Variants in ROBO1 observed in about 807,000 individuals in gnomAD.
The protein encoded by ROBO1 is roundabout homolog 1.
A neutral mutation model predicts 195.9 loss-of-function variants in ROBO1; 149 were observed. The observed-to-expected ratio is 0.76, with a 90% CI of 0.67 to 0.87. The LOEUF is 0.87. Among genes scored for constraint, ROBO1 ranks in the 40% least tolerant of loss-of-function variants. The pLI, the probability that ROBO1 is intolerant of heterozygous loss-of-function variation, is 0.00. For missense variants in ROBO1, 1,933 were observed against 2,068.3 expected (o/e 0.93, Z 1.27); for synonymous variants, 816 against 733.2 (o/e 1.11, Z -1.82).
chr3:78,615,118 G>A (rs560223072), intron 27 of ROBO1, among the ~76,000 whole-genome samples: 6 of 152,178 alleles, frequency 3.9e-5, no homozygotes, highest in African/African-American at 1.4e-4. Context: ...TCACTAAAAC[G>A]TTATACTTAA....
At chr3:79,749,508 G>A (rs1025829810) in intron 1 of ROBO1, among the ~76,000 whole-genome samples, 7 of 152,178 alleles carry the variant, frequency 4.6e-5, no homozygotes, top group African/African-American at 1.7e-4. Context: ...GCATGTCAGA[G>A]GTCTTCATGG....
chr3:79,295,223 G>A (rs1409052824), intron 2 of ROBO1, among the ~76,000 whole-genome samples: 2 of 152,070 alleles, frequency 1.3e-5, no homozygotes, highest in African/African-American at 4.8e-5. Flanking sequence ...GATAGATTGG[G>A]TAAAGAAAAT....
intron 1 of ROBO1, among the ~76,000 whole-genome samples, chr3:79,603,905 A>G (rs2107880485): frequency 6.6e-6 from 1 of 152,148 alleles, no homozygotes; most frequent in African/African-American, 2.4e-5. Flanking sequence ...AGAAAGTAAC[A>G]TAAAACAAAA....
At chr3:79,726,579 T>C (rs577637083) in intron 1 of ROBO1, among the ~76,000 whole-genome samples, 74 of 152,332 alleles carry the variant, frequency 4.9e-4, no homozygotes, top group Non-Finnish European at 8.2e-4. Context: ...TTTTATTGTG[T>C]ACTTATTCCA....
intron 10 of ROBO1, among the ~76,000 whole-genome samples, chr3:78,680,502 C>A (rs1228865082): frequency 5.3e-5 from 8 of 151,866 alleles, no homozygotes; most frequent in South Asian, 2.1e-4. Flanking sequence ...AACAAACAAC[C>A]CCATCAAAAA....
intron 2 of ROBO1, among the ~76,000 whole-genome samples, chr3:79,148,790 G>A (rs1186419114): frequency 1.3e-5 from 2 of 151,986 alleles, no homozygotes; most frequent in Admixed American, 6.6e-5. Flanking sequence ...CTGAAATACT[G>A]AATTCCTAAT....
intron 2 of ROBO1, among the ~76,000 whole-genome samples, chr3:79,280,435 A>G (rs1281669143): frequency 6.6e-6 from 1 of 152,182 alleles, no homozygotes; most frequent in Non-Finnish European, 1.5e-5. Flanking sequence ...AACCCTTATT[A>G]TCTACTTTCC....
At chr3:79,391,122 CAAA>C (rs952765742) in intron 2 of ROBO1, among the ~76,000 whole-genome samples, 5 of 100,788 alleles carry the variant, frequency 5.0e-5, no homozygotes, top group Non-Finnish European at 8.7e-5. Context: ...CTGTCTCTAC[CAAA>C]AAAAAAAAAA....
In ROBO1 at chr3:78,711,357, TCC is replaced by T. The variant is rs1559772867; in HGVS notation, c.1045+3038_1045+3039del. Among the ~76,000 whole-genome samples the T allele has an allele frequency of 9.2e-3, 342 of 37,252 alleles. 3 individuals are homozygous for T. The highest frequency in any genetic ancestry group is 0.043 in the African/African-American group (278 of 6,424). The allele number at this position is 37,252 out of a possible 152,430, so 24.4% of individuals were successfully genotyped here. A position where few individuals can be genotyped will look rare whatever the true frequency, so the allele number is the denominator to read the frequency against. The stretch of plus-strand genomic sequence containing the variant: ...CTTCCTTCCTTCCTTCCTCCTTCCT[TCC>T]TTCCTTCCTTCCTTCCTTCCTTCCT... On this transcript the variant is annotated intron_variant, in intron 8 of 30. Transcript: ENST00000464233.
chr3:78,742,073 A>C (rs2108259189), intron 5 of ROBO1, among the ~76,000 whole-genome samples: 1 of 152,268 alleles, frequency 6.6e-6, no homozygotes, highest in East Asian at 1.9e-4. Context: ...ATTCAACTAC[A>C]TATTTCCCCT....
At chr3:78,610,407 T>A (rs1703742346) in intron 28 of ROBO1, among the ~76,000 whole-genome samples, 1 of 152,118 alleles carries the variant, frequency 6.6e-6, no homozygotes, top group Non-Finnish European at 1.5e-5. Flanking sequence ...TGATTTTAAG[T>A]TCAGACTGAG....
intron 2 of ROBO1, among the ~76,000 whole-genome samples, chr3:79,343,607 T>C (rs2034994976): frequency 6.6e-6 from 1 of 152,146 alleles, no homozygotes; most frequent in Non-Finnish European, 1.5e-5. Flanking sequence ...GCAGTAAACG[T>C]AAACGTGGAA....
At chr3:79,289,754 A>G (rs1447830826) in intron 2 of ROBO1, among the ~76,000 whole-genome samples, 2 of 152,196 alleles carry the variant, frequency 1.3e-5, no homozygotes, top group African/African-American at 4.8e-5. Flanking sequence ...CAGAACCACA[A>G]CTTGAACTTT....
chr3:78,909,109 A>C (rs1164440130), intron 4 of ROBO1, among the ~76,000 whole-genome samples: 6 of 151,870 alleles, frequency 4.0e-5, no homozygotes, highest in Admixed American at 2.6e-4. Flanking sequence ...AATAATGGTG[A>C]CTTATGGAGC....
chr3:78,686,441 G>A (rs960629436), intron 9 of ROBO1, among the ~76,000 whole-genome samples: 4 of 151,810 alleles, frequency 2.6e-5, no homozygotes, highest in Admixed American at 6.6e-5. Context: ...TGTAGTCCCA[G>A]CTACTCGGGA....
intron 23 of ROBO1, 45 bp downstream of exon 23, chr3:78,635,728 G>A (rs1237516245): frequency 1.3e-6 from 2 of 1,507,656 alleles, no homozygotes; most frequent in South Asian, 1.2e-5. Context: ...GAGGTGCTGA[G>A]AGTATCATAC....
chr3:79,599,932 A>C (rs1223945587), intron 1 of ROBO1, among the ~76,000 whole-genome samples: 1 of 152,008 alleles, frequency 6.6e-6, no homozygotes, highest in Non-Finnish European at 1.5e-5. Context: ...GCTAAAATTA[A>C]AACTGTCTAC....
chr3:78,818,908 A>G (rs1018750236), intron 4 of ROBO1, among the ~76,000 whole-genome samples: 3 of 152,140 alleles, frequency 2.0e-5, no homozygotes, highest in African/African-American at 7.2e-5. Flanking sequence ...ATTGTAGTAT[A>G]TTGTTATAAT....
At chr3:78,961,162 T>TA in intron 3 of ROBO1, among the ~76,000 whole-genome samples, 1 of 152,316 alleles carries the variant, frequency 6.6e-6, no homozygotes, top group Non-Finnish European at 1.5e-5. Context: ...CCTTTGAACT[T>TA]AAAGATATTT....
Sources: gnomAD v4.1 joint callset for allele counts (sites outside exome capture counted in the v4.1 genomes callset) on GRCh38, gnomAD v4.1.1 for gene constraint, MANE v1.5 for transcripts, NCBI Gene and HGNC (gene_info 2026-07-23, HGNC 2026-07-21) for gene names.